Variants in ADAM18 observed in about 807,000 individuals in gnomAD.
ADAM18 encodes ADAM metallopeptidase domain 18.
A neutral mutation model predicts 94.4 loss-of-function variants in ADAM18; 117 were observed. The observed-to-expected ratio is 1.24, with a 90% confidence interval of 1.07 to 1.45. The LOEUF is 1.45. Among genes scored for constraint, ADAM18 ranks in the 40% most tolerant of loss-of-function variants. ADAM18 has a pLI of 0.00. For synonymous variants in ADAM18, 327 were observed against 291.6 expected (o/e 1.12, Z -1.24); for missense variants, 936 against 880.0 (o/e 1.06, Z -0.81).
At chr8:39,651,197 C>T (rs1233743649) in intron 12 of ADAM18, among the ~76,000 whole-genome samples, 2 of 152,244 alleles carry the variant, frequency 1.3e-5, no homozygotes. Context: ...AGGCAGTTTT[C>T]TCCTATCTCA....
At chr8:39,599,429 A>C (rs1818837810) in intron 2 of ADAM18, among the ~76,000 whole-genome samples, 1 of 152,170 alleles carries the variant, frequency 6.6e-6, no homozygotes, top group South Asian at 2.1e-4. Flanking sequence ...GTAGAAAATT[A>C]GTATACATTA....
At chr8:39,658,979 A>G (rs1264028953) in intron 12 of ADAM18, among the ~76,000 whole-genome samples, 6 of 152,198 alleles carry the variant, frequency 3.9e-5, no homozygotes, top group Admixed American at 3.9e-4. Flanking sequence ...AAAATTGAGA[A>G]CAAGATGAAT....
chr8:39,608,954 C>A, intron 3 of ADAM18, 88 bp from the exon 4 acceptor site: 1 of 749,324 alleles, frequency 1.3e-6, no homozygotes, highest in Non-Finnish European at 2.2e-6. Context: ...CTAATTAAAT[C>A]GTGTTATATA....
intron 17 of ADAM18, among the ~76,000 whole-genome samples, chr8:39,694,839 G>A (rs1468759745): frequency 6.6e-6 from 1 of 151,338 alleles, no homozygotes; most frequent in Non-Finnish European, 1.5e-5. Flanking sequence ...AAATATATAG[G>A]TCTTTCAAAA....
intron 15 of ADAM18, among the ~76,000 whole-genome samples, chr8:39,678,516 T>A (rs1821355797): frequency 6.6e-6 from 1 of 152,078 alleles, no homozygotes; most frequent in Admixed American, 6.5e-5. Context: ...TGAGTGGGGA[T>A]CTCAGGAGGA....
rs546601730 is a variant in ADAM18, at chr8:39,669,717, T to G, written c.1525+1521T>G. Among the ~76,000 whole-genome samples the G allele has an allele frequency of 2.0e-5, 3 of 152,260 alleles. No individual in the cohort carries two copies. The East Asian group carries it at 5.8e-4, about 29-fold the overall frequency. On this transcript the variant is annotated intron_variant, in intron 14 of 19. Coordinates refer to ENST00000265707, the MANE Select transcript of ADAM18 (RefSeq NM_014237.3). Reference sequence around the variant, plus strand: ...ATTTTCTTAATCCAGTCCATCATTGTTGGACATTTAGGTTGGTTCCAAGTC... The same window carrying G: ...ATTTTCTTAATCCAGTCCATCATTGGTGGACATTTAGGTTGGTTCCAAGTC...
chr8:39,712,239 A>T (rs753087682), intron 18 of ADAM18, among the ~76,000 whole-genome samples: 1 of 152,198 alleles, frequency 6.6e-6, no homozygotes, highest in African/African-American at 2.4e-5. Flanking sequence ...ATAAAATTCA[A>T]CAGCCCTTCA....
chr8:39,714,723 T>A (rs550135011), intron 18 of ADAM18, among the ~76,000 whole-genome samples: 1 of 152,174 alleles, frequency 6.6e-6, no homozygotes, highest in Non-Finnish European at 1.5e-5. Context: ...ATGTAGAAAA[T>A]CAGTAAGTAT....
chr8:39,610,588 G>T lies in ADAM18; in HGVS notation c.404G>T (p.Arg135Ile), dbSNP rs549488812. 2 of 1,612,290 alleles carry T rather than the reference G, an allele frequency of 1.2e-6. No individual in the cohort carries two copies. Among genetic ancestry groups the T allele is most frequent in the South Asian group, 2.2e-5 (2 of 90,856 alleles). Residue 135 changes from arginine to isoleucine, a missense_variant, in exon 6 of 20, where the codon AGA becomes ATA. By Grantham distance (97) the Arg-to-Ile change is moderately conservative (BLOSUM62 -3). Coordinates refer to ENST00000265707, the MANE Select transcript of ADAM18 (RefSeq NM_014237.3). Reference protein sequence around the residue: ...YGIEPVESSARFEHIIYQMKN... With the variant: ...YGIEPVESSAIFEHIIYQMKN... The stretch of plus-strand genomic sequence containing the variant: ...ATTGAACCAGTAGAATCTTCAGCAA[G>T]ATTTGAGCATATAATTTATCAAATG...
intron 17 of ADAM18, among the ~76,000 whole-genome samples, chr8:39,697,797 T>C (rs916350026): frequency 7.9e-5 from 12 of 151,794 alleles, no homozygotes; most frequent in African/African-American, 2.7e-4. Flanking sequence ...CTGTTTTATA[T>C]TGACTTACAT....
intron 1 of ADAM18, among the ~76,000 whole-genome samples, chr8:39,584,933 C>T (rs571891985): frequency 6.6e-6 from 1 of 152,254 alleles, no homozygotes; most frequent in African/African-American, 2.4e-5. Context: ...CTGGCATCTT[C>T]CCACTCTGTG....
At chr8:39,646,458 A>T (rs1192421975) in intron 11 of ADAM18, among the ~76,000 whole-genome samples, 1 of 152,188 alleles carries the variant, frequency 6.6e-6, no homozygotes, top group South Asian at 2.1e-4. Flanking sequence ...AACCCAATAG[A>T]TCCAAAATAT....
chr8:39,683,882 C>T (rs1402747184), intron 16 of ADAM18, among the ~76,000 whole-genome samples: 1 of 152,074 alleles, frequency 6.6e-6, no homozygotes, highest in Non-Finnish European at 1.5e-5. Context: ...ATTTGACAAA[C>T]AAAAATCACT....
intron 2 of ADAM18, among the ~76,000 whole-genome samples, chr8:39,597,503 A>G (rs1047254385): frequency 1.8e-4 from 28 of 152,182 alleles, no homozygotes; most frequent in Non-Finnish European, 7.4e-5. Flanking sequence ...TTGGATATCC[A>G]GTTGTCCCAA....
At chr8:39,722,989 C>G (rs532788906) in intron 18 of ADAM18, among the ~76,000 whole-genome samples, 4 of 38,820 alleles carry the variant, frequency 1.0e-4, no homozygotes, top group Non-Finnish European at 1.9e-4. Flanking sequence ...ATCATTGTAA[C>G]GTTTGGAGAG....
chr8:39,681,509 T>C (rs538745544), intron 16 of ADAM18, among the ~76,000 whole-genome samples: 2 of 152,224 alleles, frequency 1.3e-5, no homozygotes, highest in Non-Finnish European at 2.9e-5. Context: ...TTTAATGTCA[T>C]TAATTTTGAT....
chr8:39,721,755 G>A (rs1323638527), intron 18 of ADAM18, among the ~76,000 whole-genome samples: 2 of 151,472 alleles, frequency 1.3e-5, no homozygotes, highest in Admixed American at 1.3e-4. Context: ...TAAAACAACA[G>A]ATGTAGGTGA....
chr8:39,721,312 G>A (rs201962), intron 18 of ADAM18, among the ~76,000 whole-genome samples: 78,333 of 151,116 alleles, frequency 0.52, 22,475 homozygotes, highest in African/African-American at 0.77. Flanking sequence ...AAGTATAAAA[G>A]TTCTTACTGA....
chr8:39,639,048 G>GA (rs1186942760), intron 10 of ADAM18, among the ~76,000 whole-genome samples: 1 of 151,730 alleles, frequency 6.6e-6, no homozygotes, highest in Non-Finnish European at 1.5e-5. Context: ...TTCTCAATTA[G>GA]AAAATTTCTT....
Sources: allele counts gnomAD v4.1 joint callset (sites outside exome capture counted in the v4.1 genomes callset), GRCh38; gene constraint gnomAD v4.1.1; transcripts MANE v1.5; gene names NCBI Gene and HGNC (gene_info 2026-07-23, HGNC 2026-07-21).